RNF216: variants seen among roughly 807,000 people sequenced by gnomAD.
RNF216 encodes E3 ubiquitin-protein ligase RNF216.
Under a neutral mutation model 110.8 loss-of-function variants are expected in RNF216, and 72 were observed. The ratio of observed to expected loss-of-function variants is 0.65; its 90% CI spans 0.54 to 0.79. The LOEUF (loss-of-function observed/expected upper bound fraction) is 0.79. RNF216 is among the 30% of genes least tolerant of loss of function. The pLI is 0.00. For missense variants in RNF216, 1,342 were observed against 1,141.2 expected (o/e 1.18, Z -2.54); for synonymous variants, 495 against 407.5 (o/e 1.21, Z -2.59).
chr7:5,690,655 A>G (rs1791277387), intron 13 of RNF216, among the ~76,000 whole-genome samples: 1 of 148,304 alleles, frequency 6.7e-6, no homozygotes, highest in Non-Finnish European at 1.5e-5. Context: ...CTGTTATCCC[A>G]TTCTACAGAA....
At chr7:5,706,984 C>A (rs1404991428) in intron 13 of RNF216, among the ~76,000 whole-genome samples, 3 of 152,152 alleles carry the variant, frequency 2.0e-5, no homozygotes, top group Admixed American at 1.3e-4. Context: ...TAAGTTCATT[C>A]TTTTGCATGT....
At chr7:5,743,854 G>A (rs1023973307) in intron 3 of RNF216, among the ~76,000 whole-genome samples, 7 of 152,136 alleles carry the variant, frequency 4.6e-5, no homozygotes, top group African/African-American at 9.7e-5. Flanking sequence ...GAACTGAATC[G>A]CAGCGTGGAG....
chr7:5,734,010 A>G (rs557733510), intron 5 of RNF216, among the ~76,000 whole-genome samples: 1 of 152,364 alleles, frequency 6.6e-6, no homozygotes, highest in Admixed American at 6.5e-5. Context: ...TGTAGTTATT[A>G]TCATGCCACT....
Position 5,643,943 on chromosome 7 carries a change from T to C in RNF216, c.2160-2567A>G, listed in dbSNP as rs528523500. The stretch of plus-strand genomic sequence containing the variant: ...CTCTGATATTTCATAGGAATGGAAA[T>C]CACACGTGTGTTTTTGTGCCTTTTT... On this transcript the variant is annotated intron_variant, in intron 14 of 16. Coordinates refer to ENST00000389902, the MANE Select transcript of RNF216 (RefSeq NM_207111.4). 3.9e-5 allele frequency among the ~76,000 whole-genome samples: 6 copies of C among 152,328 alleles called. No individual in the cohort carries two copies. The East Asian group carries it at 1.2e-3, about 29-fold the overall frequency.
At position 5,703,652 on chromosome 7, in the gene RNF216, T is replaced by C. The variant is rs3801015; in HGVS notation, c.2061+8109A>G. Among the ~76,000 whole-genome samples the C allele has an allele frequency of 8.5e-5, 13 of 152,252 alleles. No individual in the cohort carries two copies. The East Asian group carries it at 2.5e-3, about 29-fold the overall frequency. ...TGGCAGGTGAGAAAAGATAAATAAA[T>C]ACAAGTGACATTGGGAAAAGATGGG... is the stretch of plus-strand genomic sequence containing the variant. On this transcript the variant is annotated intron_variant, in intron 13 of 16. Transcript: ENST00000389902.
chr7:5,660,260 A>G (rs1356897268), intron 13 of RNF216, among the ~76,000 whole-genome samples: 1 of 79,862 alleles, frequency 1.3e-5, no homozygotes, highest in African/African-American at 3.7e-5. Context: ...GCCCTGTTTT[A>G]AATTCTTTTT....
chr7:5,659,784 G>C (rs759297438), intron 13 of RNF216, among the ~76,000 whole-genome samples: 1 of 152,106 alleles, frequency 6.6e-6, no homozygotes, highest in African/African-American at 2.4e-5. Flanking sequence ...CCTGAAACAA[G>C]GTGTGCCAAC....
intron 13 of RNF216, among the ~76,000 whole-genome samples, chr7:5,706,776 G>T (rs562438266): frequency 1.3e-5 from 2 of 152,160 alleles, no homozygotes; most frequent in Admixed American, 6.5e-5. Context: ...AAGCATCTTA[G>T]TAGTCACTTG....
In RNF216 at chr7:5,665,035, TG is replaced by T. The variant is rs1219406183; in HGVS notation, c.2062-12526del. ...CTGGTCTTGAACTCCTGACCTCAGG[TG>T]ATCTGCCCGCCTCGGCCTCCCAAAG... On this transcript the variant is annotated intron_variant, in intron 13 of 16. Transcript: ENST00000389902. Among the ~76,000 whole-genome samples, 31 of 152,144 alleles carry T rather than the reference TG, an allele frequency of 2.0e-4. 1 individual carries two copies. Among genetic ancestry groups the T allele is most frequent in the Non-Finnish European group, 5.9e-5 (4 of 68,026 alleles).
intron 3 of RNF216, among the ~76,000 whole-genome samples, chr7:5,746,328 A>G (rs1795027994): frequency 6.6e-6 from 1 of 152,126 alleles, no homozygotes; most frequent in Non-Finnish European, 1.5e-5. Flanking sequence ...ATCACTGGCA[A>G]TAACTGTATT....
At chr7:5,651,334 C>G (rs938737500) in intron 14 of RNF216, among the ~76,000 whole-genome samples, 1 of 151,402 alleles carries the variant, frequency 6.6e-6, no homozygotes, top group East Asian at 2.0e-4. Context: ...TCAAGCAATT[C>G]TCTTGCCTTA....
chr7:5,628,020 G>A (rs906631835), intron 15 of RNF216, among the ~76,000 whole-genome samples: 4 of 152,170 alleles, frequency 2.6e-5, no homozygotes, highest in African/African-American at 7.2e-5. Context: ...GATACAGATC[G>A]GCGGGGTCTG....
At chr7:5,739,640 T>C (rs1794639230) in intron 4 of RNF216, 1 of 514,842 alleles carries the variant, frequency 1.9e-6, no homozygotes, top group Non-Finnish European at 3.8e-6. Flanking sequence ...ACAAAGGGAA[T>C]CCAAACACAA....
intron 2 of RNF216, among the ~76,000 whole-genome samples, chr7:5,755,927 A>G (rs1002056069): frequency 1.4e-4 from 21 of 152,222 alleles, no homozygotes; most frequent in African/African-American, 4.6e-4. Context: ...ACGTTGCTTC[A>G]CGTCCTTATG....
At position 5,725,444 on chromosome 7, in the gene RNF216, A is replaced by C. The variant is rs142101643; in HGVS notation, c.1390-6T>G. ...TTAATGGCATCAGACAAGGCCTAAA[A>C]ATTGAGAAAAGGAAAGGTTCCTTCT... is the stretch of plus-strand genomic sequence containing the variant. On this transcript the variant is annotated splice_polypyrimidine_tract_variant and splice_region_variant and intron_variant, in intron 7 of 16. Transcript: ENST00000389902. 2.0e-5 allele frequency: 30 copies of C among 1,532,618 alleles called. No homozygotes were observed. The East Asian group carries it at 6.7e-4, about 34-fold the overall frequency. 94.9% of individuals were successfully genotyped at this position (1,532,618 alleles called of 1,614,324 possible). A position where few individuals can be genotyped will look rare whatever the true frequency, so the allele number is the denominator to read the frequency against.
chr7:5,680,912 C>T lies in RNF216; in HGVS notation c.2062-28402G>A, dbSNP rs1242721918. Among the ~76,000 whole-genome samples, 1 of 152,150 alleles carries T rather than the reference C, an allele frequency of 6.6e-6. No individual in the cohort carries two copies. The highest frequency in any genetic ancestry group is 1.5e-5 in the Non-Finnish European group (1 of 68,022). ...CCTCCAAAATGCACCTCACATCTAA[C>T]CCACTCCTATCTGGGTCCAAAACCC... On this transcript the variant is annotated intron_variant, in intron 13 of 16. Transcript: ENST00000389902. The surrounding 1 kb of genome is among the most constrained non-coding windows in gnomAD (Gnocchi z 4.3).
intron 13 of RNF216, among the ~76,000 whole-genome samples, chr7:5,711,322 A>G (rs1792672548): frequency 6.6e-6 from 1 of 152,212 alleles, no homozygotes; most frequent in South Asian, 2.1e-4. Context: ...TGTGATGGAG[A>G]TGCCACTAAG....
chr7:5,687,872 T>A (rs1791087484), intron 13 of RNF216, among the ~76,000 whole-genome samples: 1 of 152,116 alleles, frequency 6.6e-6, no homozygotes. Context: ...ATCTCACCAT[T>A]TTACAGATGA....
chr7:5,647,316 T>TTTTC (rs1431586183), intron 14 of RNF216, among the ~76,000 whole-genome samples: 30 of 145,414 alleles, frequency 2.1e-4, no homozygotes, highest in Non-Finnish European at 2.4e-4. Flanking sequence ...GAAACCTTCA[T>TTTTC]TTTCTTTCTT....
Sources: allele counts gnomAD v4.1 joint callset (sites outside exome capture counted in the v4.1 genomes callset), GRCh38; gene constraint gnomAD v4.1.1; non-coding constraint Gnocchi (gnomAD v3.1); transcripts MANE v1.5; gene names NCBI Gene and HGNC (gene_info 2026-07-23, HGNC 2026-07-21).